Variants in PCDHGB2 observed in about 807,000 individuals in gnomAD.
The protein encoded by PCDHGB2 is protocadherin gamma subfamily B, 2.
Under a neutral mutation model 59.3 loss-of-function variants are expected in PCDHGB2, and 55 were observed. The ratio of observed to expected loss-of-function variants is 0.93; its 90% CI spans 0.75 to 1.16. The LOEUF (loss-of-function observed/expected upper bound fraction) is 1.16. Among genes scored for constraint, PCDHGB2 ranks in the 50% most tolerant of loss-of-function variants. PCDHGB2 has a pLI of 0.00. For synonymous variants in PCDHGB2, 516 were observed against 512.0 expected (o/e 1.01, Z -0.11); for missense variants, 1,228 against 1,198.5 (o/e 1.02, Z -0.36).
intron 1 of PCDHGB2, chr5:141,365,876 G>T: frequency 1.2e-6 from 2 of 1,614,122 alleles, no homozygotes; most frequent in Non-Finnish European, 1.7e-6. Context: ...TGTCCTGTAT[G>T]CTCTGAGATC....
rs1413324509 is a variant in PCDHGB2 at position 141,431,464 on chromosome 5, G to T, written c.2422-63343G>T. The T allele has an allele frequency of 6.2e-7, 1 of 1,613,782 alleles. No homozygotes were observed. The highest frequency in any genetic ancestry group is 2.2e-5 in the East Asian group (1 of 44,880). ...GCATCCGCGTGATGGTTCTGGATGC[G>T]AACGACAACGCACCAGCGTTTGCTC... On this transcript the variant is annotated intron_variant, in intron 1 of 3. Transcript: ENST00000522605. This position sits in a 1 kb window ranked among gnomAD's most constrained non-coding sequence, Gnocchi z 4.8.
At chr5:141,450,587 A>G (rs1396203849) in intron 1 of PCDHGB2, among the ~76,000 whole-genome samples, 1 of 151,720 alleles carries the variant, frequency 6.6e-6, no homozygotes, top group East Asian at 1.9e-4. Flanking sequence ...CCCAGGTTCA[A>G]GCAATTCTCC....
At chr5:141,376,509 T>C in intron 1 of PCDHGB2, 1 of 1,613,934 alleles carries the variant, frequency 6.2e-7, no homozygotes, top group Admixed American at 1.7e-5. Flanking sequence ...CAACTTCAGG[T>C]GAGTTTCTTT....
rs1326296096 is a variant in PCDHGB2, at chr5:141,505,460, A to G, written c.2548A>G (p.Met850Val). The change falls in exon 3 of 4, where the codon ATG becomes GTG. Residue 850 changes from methionine to valine, a missense_variant. Transcript: ENST00000522605. Reference protein sequence around the residue: ...NQFDTEMLQAMILASASEAAD... With the variant: ...NQFDTEMLQAVILASASEAAD... ...GTTTGACACAGAGATGCTGCAAGCC[A>G]TGATCTTGGCGTCCGCCAGTGGTAA... 2 of 1,614,070 alleles carry G rather than the reference A, an allele frequency of 1.2e-6. No homozygotes were observed. The highest frequency in any genetic ancestry group is 1.3e-5 in the African/African-American group (1 of 74,942).
chr5:141,381,826 CTTTTT>C lies in PCDHGB2; in HGVS notation c.2421+19288_2421+19292del, dbSNP rs770630741. Among the ~76,000 whole-genome samples, 483 of 74,304 alleles carry C rather than the reference CTTTTT, an allele frequency of 6.5e-3. 2 individuals are homozygous for C. The highest frequency in any genetic ancestry group is 0.026 in the African/African-American group (418 of 16,208). 48.7% of individuals were successfully genotyped at this position (74,304 alleles called of 152,430 possible). On this transcript the variant is annotated intron_variant, in intron 1 of 3. Coordinates refer to ENST00000522605, the MANE Select transcript of PCDHGB2 (RefSeq NM_018923.3). ...TTTCTTTCTTTCTTTCTTTCTTCTT[CTTTTT>C]TTTTTTTTTTTTTTTTTGGCAGAGT...
intron 1 of PCDHGB2, among the ~76,000 whole-genome samples, chr5:141,450,467 T>G (rs997813636): frequency 1.3e-5 from 2 of 151,944 alleles, no homozygotes; most frequent in African/African-American, 2.4e-5. Flanking sequence ...ATTTTATATA[T>G]AGAGTTTGTT....
chr5:141,420,933 T>C (rs1227912236), intron 1 of PCDHGB2: 1 of 375,320 alleles, frequency 2.7e-6, no homozygotes, highest in African/African-American at 2.1e-5. Context: ...GTGAGCGTAA[T>C]CATTTCTTCT....
At chr5:141,404,408 A>G in intron 1 of PCDHGB2, 1 of 1,613,900 alleles carries the variant, frequency 6.2e-7, no homozygotes, top group Non-Finnish European at 8.5e-7. Flanking sequence ...TGAGAATTCT[A>G]GAGTTATTTA....
chr5:141,429,105 C>A (rs936114624), intron 1 of PCDHGB2: 2 of 152,318 alleles, frequency 1.3e-5, no homozygotes, highest in African/African-American at 4.8e-5. Flanking sequence ...CTGCCCGCCT[C>A]GGCCTCCCAA....
At position 141,362,559 on chromosome 5, in the gene PCDHGB2, G is replaced by C. The variant is rs764539634; in HGVS notation, c.2421+3G>C. The stretch of plus-strand genomic sequence containing the variant: ...TTGCCTCAGATACTATTTTGAAGGT[G>C]AGCTTTAATTAATTTATTTTCACTT... On this transcript the variant is annotated splice_donor_region_variant and intron_variant, in intron 1 of 3. Transcript: ENST00000522605. The C allele has an allele frequency of 6.2e-7, 1 of 1,611,324 alleles. No homozygotes were observed. The highest frequency in any genetic ancestry group is 1.1e-5 in the South Asian group (1 of 90,668).
intron 1 of PCDHGB2, chr5:141,414,843 G>A: frequency 3.7e-6 from 6 of 1,614,218 alleles, no homozygotes; most frequent in Non-Finnish European, 5.1e-6. Context: ...GCCTGTTTGT[G>A]CTGGACCAGA....
chr5:141,429,631 G>A (rs1272926056), intron 1 of PCDHGB2, among the ~76,000 whole-genome samples: 1 of 152,132 alleles, frequency 6.6e-6, no homozygotes, highest in Non-Finnish European at 1.5e-5. Context: ...TTTTCTCACA[G>A]CTACCTATAT....
chr5:141,436,063 A>G (rs1406994228), intron 1 of PCDHGB2, among the ~76,000 whole-genome samples: 1 of 152,230 alleles, frequency 6.6e-6, no homozygotes, highest in Non-Finnish European at 1.5e-5. Flanking sequence ...ATAGAATTTA[A>G]TAAGTACAGT....
At chr5:141,371,558 A>G in intron 1 of PCDHGB2, 1 of 1,613,764 alleles carries the variant, frequency 6.2e-7, no homozygotes, top group Non-Finnish European at 8.5e-7. Context: ...AACTAAAAGG[A>G]AACTTCCCCT....
intron 1 of PCDHGB2, among the ~76,000 whole-genome samples, chr5:141,483,522 C>G (rs557644901): frequency 9.3e-6 from 1 of 107,172 alleles, no homozygotes; most frequent in African/African-American, 3.9e-5. Flanking sequence ...TAGATCCTGA[C>G]TAAGGAAGCT....
intron 1 of PCDHGB2, among the ~76,000 whole-genome samples, chr5:141,386,717 A>G (rs2090680763): frequency 6.6e-6 from 1 of 152,214 alleles, no homozygotes; most frequent in South Asian, 2.1e-4. Flanking sequence ...TGCTGACACC[A>G]ACAATGTTAC....
At chr5:141,422,399 T>C in intron 1 of PCDHGB2, 3 of 1,598,374 alleles carry the variant, frequency 1.9e-6, no homozygotes, top group Non-Finnish European at 2.6e-6. Context: ...CCTAACCACC[T>C]GCCTTTTAAA....
At chr5:141,408,959 G>A (rs1434961395) in intron 1 of PCDHGB2, 1 of 1,613,722 alleles carries the variant, frequency 6.2e-7, no homozygotes, top group East Asian at 2.2e-5. Context: ...TAGTCTTAGT[G>A]AAAATCTGCC....
Position 141,487,401 on chromosome 5 carries a change from T to C in PCDHGB2, c.2422-7406T>C, listed in dbSNP as rs2099644244. The C allele has an allele frequency of 6.2e-7, 1 of 1,614,134 alleles. No individual in the cohort carries two copies. The highest frequency in any genetic ancestry group is 1.3e-5 in the African/African-American group (1 of 75,046). On this transcript the variant is annotated intron_variant, in intron 1 of 3. Transcript: ENST00000522605. This position sits in a 1 kb window ranked among gnomAD's most constrained non-coding sequence, Gnocchi z 5.0. ...ACCAGATCTCGAAGGAGGGAGGGGCTTCCCCCTTCCAATGGGATCCTCCGA... is the reference window on the plus strand; with the variant it reads ...ACCAGATCTCGAAGGAGGGAGGGGCCTCCCCCTTCCAATGGGATCCTCCGA...
Sources: allele counts gnomAD v4.1 joint callset (sites outside exome capture counted in the v4.1 genomes callset), GRCh38; gene constraint gnomAD v4.1.1; non-coding constraint Gnocchi (gnomAD v3.1); transcripts MANE v1.5; gene names NCBI Gene and HGNC (gene_info 2026-07-23, HGNC 2026-07-21).